PRKCH: variants seen among roughly 807,000 people sequenced by gnomAD.
PRKCH encodes the protein protein kinase C eta type.
In PRKCH, 28 loss-of-function variants were observed where a neutral mutation model predicts 82.5. The observed-to-expected ratio is 0.34, with a 90% CI of 0.25 to 0.47. The LOEUF (loss-of-function observed/expected upper bound fraction) is 0.47, where lower values mean the gene tolerates loss of function less well. Among genes scored for constraint, PRKCH ranks in the 20% least tolerant of loss-of-function variants. PRKCH has a pLI of 1.00. For synonymous variants in PRKCH, 322 were observed against 327.4 expected (o/e 0.98, Z 0.18); for missense variants, 705 against 881.8 (o/e 0.80, Z 2.54).
intron 1 of PRKCH, among the ~76,000 whole-genome samples, chr14:61,225,861 C>T (rs374293601): frequency 9.2e-5 from 14 of 152,162 alleles, no homozygotes; most frequent in African/African-American, 3.4e-4. Context: ...GCCTCATCCT[C>T]CCATATAGCT....
intron 9 of PRKCH, among the ~76,000 whole-genome samples, chr14:61,460,917 C>T (rs1328024433): frequency 1.3e-5 from 2 of 152,074 alleles, no homozygotes; most frequent in Non-Finnish European, 2.9e-5. Context: ...TTGGGAGGGC[C>T]ACATGCAGCC....
chr14:61,549,219 G>A (rs2043296959), intron 13 of PRKCH, among the ~76,000 whole-genome samples: 1 of 152,198 alleles, frequency 6.6e-6, no homozygotes, highest in Non-Finnish European at 1.5e-5. Flanking sequence ...CCTAAGCTCA[G>A]CACTTGCAAG....
intron 1 of PRKCH, among the ~76,000 whole-genome samples, chr14:61,376,590 G>T (rs753873031): frequency 7.2e-5 from 11 of 152,028 alleles, no homozygotes; most frequent in Non-Finnish European, 1.6e-4. Context: ...CTTATCCTTA[G>T]CCACCAAGTC....
At chr14:61,353,960 T>A (rs181533081) in intron 1 of PRKCH, 1 of 151,912 alleles carries the variant, frequency 6.6e-6, no homozygotes, top group Non-Finnish European at 1.5e-5. Context: ...ATAAGAAGAA[T>A]CACATGGATG....
chr14:61,406,419 T>C (rs1363956897), intron 2 of PRKCH, among the ~76,000 whole-genome samples: 1 of 146,278 alleles, frequency 6.8e-6, no homozygotes, highest in Non-Finnish European at 1.5e-5. Context: ...GGCTTGAAAG[T>C]GATAAAATCA....
At chr14:61,464,622 G>A (rs1299151870) in intron 9 of PRKCH, among the ~76,000 whole-genome samples, 1 of 152,154 alleles carries the variant, frequency 6.6e-6, no homozygotes, top group African/African-American at 2.4e-5. Flanking sequence ...CAACTTATGA[G>A]TGAGAACATG....
At chr14:61,458,748 G>A (rs551562792) in intron 9 of PRKCH, among the ~76,000 whole-genome samples, 88 of 152,268 alleles carry the variant, frequency 5.8e-4, no homozygotes, top group Middle Eastern at 6.8e-3. Context: ...AGGGTTTCAC[G>A]TGACAGCAGG....
intron 1 of PRKCH, among the ~76,000 whole-genome samples, chr14:61,364,976 G>C (rs1365869460): frequency 6.6e-6 from 1 of 152,068 alleles, no homozygotes; most frequent in African/African-American, 2.4e-5. Context: ...GGCAGGAGGC[G>C]GTAGGGTGAT....
intron 1 of PRKCH, among the ~76,000 whole-genome samples, chr14:61,194,891 G>C (rs1025027237): frequency 6.6e-6 from 1 of 152,078 alleles, no homozygotes; most frequent in Non-Finnish European, 1.5e-5. Flanking sequence ...GTGCCACCAT[G>C]CCCGGATAAT....
chr14:61,346,572 G>A (rs1355164080), intron 1 of PRKCH, among the ~76,000 whole-genome samples: 2 of 152,192 alleles, frequency 1.3e-5, no homozygotes, highest in African/African-American at 2.4e-5. Context: ...CTGGGGTTAT[G>A]CAACACATGG....
At chr14:61,277,093 C>G (rs1461747457) in intron 1 of PRKCH, among the ~76,000 whole-genome samples, 4 of 151,980 alleles carry the variant, frequency 2.6e-5, no homozygotes, top group Non-Finnish European at 5.9e-5. Flanking sequence ...GGCTGAGACA[C>G]GAGAATCTCT....
chr14:61,237,114 GCGC>G (rs1231646849), intron 1 of PRKCH, among the ~76,000 whole-genome samples: 2 of 151,822 alleles, frequency 1.3e-5, no homozygotes, highest in African/African-American at 4.8e-5. Flanking sequence ...ACAGTGGCAA[GCGC>G]CTGTGGTCCC....
chr14:61,280,163 T>C lies in PRKCH; in HGVS notation c.-19+92495T>C. 6.2e-7 allele frequency: 1 copy of C among 1,614,012 alleles called. No individual in the cohort carries two copies. Among genetic ancestry groups the C allele is most frequent in the Non-Finnish European group, 8.5e-7 (1 of 1,179,974 alleles). ...ACCAGCATGACAAAGCCGGTGAGGA[T>C]GCAGAGGGAGCCGACGACCAGGTAG... On this transcript the variant is annotated intron_variant, in intron 1 of 3. Coordinates refer to the PRKCH transcript ENST00000555185. This position sits in a 1 kb window ranked among gnomAD's most constrained non-coding sequence, Gnocchi z 5.0.
chr14:61,229,185 A>C (rs564229920), intron 1 of PRKCH, among the ~76,000 whole-genome samples: 1 of 152,312 alleles, frequency 6.6e-6, no homozygotes, highest in South Asian at 2.1e-4. Flanking sequence ...TGTTAAATAG[A>C]ATACAGTGAG....
intron 1 of PRKCH, among the ~76,000 whole-genome samples, chr14:61,200,232 G>C (rs937817963): frequency 6.6e-6 from 1 of 152,024 alleles, no homozygotes; most frequent in African/African-American, 2.4e-5. Flanking sequence ...ATGAAAACCT[G>C]GATAAGAAGA....
At chr14:61,330,085 G>A (rs916920274) in intron 1 of PRKCH, among the ~76,000 whole-genome samples, 8 of 152,158 alleles carry the variant, frequency 5.3e-5, no homozygotes, top group Non-Finnish European at 1.0e-4. Flanking sequence ...CCATTCTTTC[G>A]TAGGGCTTGT....
chr14:61,389,828 A>C (rs2140199211), intron 1 of PRKCH, among the ~76,000 whole-genome samples: 2 of 151,240 alleles, frequency 1.3e-5, no homozygotes, highest in East Asian at 3.9e-4. Flanking sequence ...ATCAGACTAG[A>C]GTTCTTGGCC....
chr14:61,503,105 C>G (rs1358780177), intron 10 of PRKCH, among the ~76,000 whole-genome samples: 2 of 140,716 alleles, frequency 1.4e-5, no homozygotes, highest in African/African-American at 5.3e-5. Flanking sequence ...AAAATTTTGA[C>G]AAAAGCAAAC....
At chr14:61,458,845 G>T (rs1410305014) in intron 9 of PRKCH, among the ~76,000 whole-genome samples, 1 of 152,020 alleles carries the variant, frequency 6.6e-6, no homozygotes, top group Admixed American at 6.6e-5. Flanking sequence ...GATCAAGGGG[G>T]GAAATCTGCC....
Sources: allele counts gnomAD v4.1 joint callset (sites outside exome capture counted in the v4.1 genomes callset), GRCh38; gene constraint gnomAD v4.1.1; non-coding constraint Gnocchi (gnomAD v3.1); transcripts MANE v1.5; gene names NCBI Gene and HGNC (gene_info 2026-07-23, HGNC 2026-07-21).